SPAG16: variants seen among roughly 807,000 people sequenced by gnomAD.
SPAG16 encodes the protein sperm-associated antigen 16 protein.
Under a neutral mutation model 80.4 loss-of-function variants are expected in SPAG16, and 86 were observed. That is an observed-to-expected ratio of 1.07 (90% CI 0.90 to 1.28). The LOEUF (loss-of-function observed/expected upper bound fraction) is 1.28. Among genes scored for constraint, SPAG16 ranks in the 50% most tolerant of loss-of-function variants. SPAG16 has a pLI of 0.00. For missense variants in SPAG16, 870 were observed against 765.3 expected (o/e 1.14, Z -1.61); for synonymous variants, 294 against 265.9 (o/e 1.11, Z -1.03).
At chr2:213,755,936 A>G (rs2068306237) in intron 10 of SPAG16, among the ~76,000 whole-genome samples, 1 of 152,238 alleles carries the variant, frequency 6.6e-6, no homozygotes, top group Admixed American at 6.5e-5. Flanking sequence ...GGCTGCATTT[A>G]ACCATCTAAA....
chr2:213,729,924 T>C (rs1398846831), intron 10 of SPAG16, among the ~76,000 whole-genome samples: 1 of 152,220 alleles, frequency 6.6e-6, no homozygotes, highest in Admixed American at 6.5e-5. Context: ...TCTCTATCAC[T>C]GGACTGAGAG....
At chr2:214,227,411 T>A (rs2058720929) in intron 15 of SPAG16, among the ~76,000 whole-genome samples, 2 of 152,046 alleles carry the variant, frequency 1.3e-5, no homozygotes, top group Non-Finnish European at 2.9e-5. Flanking sequence ...CATTAAGAAT[T>A]TATTTTGTTA....
At chr2:213,366,023 T>G (rs2066263161) in intron 8 of SPAG16, among the ~76,000 whole-genome samples, 2 of 147,510 alleles carry the variant, frequency 1.4e-5, no homozygotes, top group African/African-American at 5.0e-5. Flanking sequence ...GCGCCTGTAG[T>G]CCCAGCTACT....
chr2:214,122,544 C>A (rs1350033749), intron 14 of SPAG16, among the ~76,000 whole-genome samples: 1 of 151,816 alleles, frequency 6.6e-6, no homozygotes, highest in Non-Finnish European at 1.5e-5. Flanking sequence ...GTTCAAACAG[C>A]AAGCACTCAA....
chr2:213,997,579 C>A (rs1212036182), intron 12 of SPAG16, among the ~76,000 whole-genome samples: 1 of 152,154 alleles, frequency 6.6e-6, no homozygotes, highest in Admixed American at 6.6e-5. Flanking sequence ...TTCCCACTTT[C>A]TTTTTAACAG....
chr2:213,782,868 A>G (rs974464776), intron 10 of SPAG16, among the ~76,000 whole-genome samples: 5 of 152,156 alleles, frequency 3.3e-5, no homozygotes, highest in South Asian at 2.1e-4. Flanking sequence ...GCAAACTTTC[A>G]TTATCTCATT....
chr2:213,452,385 G>T (rs1269662536), intron 9 of SPAG16, among the ~76,000 whole-genome samples: 1 of 152,094 alleles, frequency 6.6e-6, no homozygotes, highest in Non-Finnish European at 1.5e-5. Flanking sequence ...AGCCATCCTT[G>T]TTGCTCCTCT....
At chr2:213,401,658 T>C (rs977141055) in intron 9 of SPAG16, among the ~76,000 whole-genome samples, 1 of 152,188 alleles carries the variant, frequency 6.6e-6, no homozygotes, top group Admixed American at 6.5e-5. Context: ...TAGGAATTAG[T>C]ATATAGTGGG....
At chr2:214,149,508 G>C (rs936749525) in intron 15 of SPAG16, among the ~76,000 whole-genome samples, 1 of 151,990 alleles carries the variant, frequency 6.6e-6, no homozygotes, top group Non-Finnish European at 1.5e-5. Flanking sequence ...AATCTAGATA[G>C]CATAGGTTTG....
chr2:213,603,689 G>A (rs919034281), intron 10 of SPAG16, among the ~76,000 whole-genome samples: 21 of 152,266 alleles, frequency 1.4e-4, no homozygotes, highest in African/African-American at 1.7e-4. Context: ...AGACTAAATG[G>A]ATGAGATCTA....
intron 9 of SPAG16, among the ~76,000 whole-genome samples, chr2:213,481,940 A>G (rs1166858075): frequency 1.3e-5 from 2 of 152,222 alleles, no homozygotes; most frequent in Non-Finnish European, 2.9e-5. Flanking sequence ...ACATCACTGA[A>G]ATACATACTA....
chr2:214,275,452 A>C (rs1367454197), intron 15 of SPAG16, among the ~76,000 whole-genome samples: 1 of 152,184 alleles, frequency 6.6e-6, no homozygotes, highest in Admixed American at 6.5e-5. Flanking sequence ...TTCCCTCTAC[A>C]CACTGCTTTA....
chr2:214,286,177 G>A (rs1321494651), intron 15 of SPAG16, among the ~76,000 whole-genome samples: 1 of 152,130 alleles, frequency 6.6e-6, no homozygotes, highest in Admixed American at 6.6e-5. Context: ...TGTGGTGAAC[G>A]GAGTAAGGGG....
At chr2:214,320,568 G>A (rs2125993053) in intron 15 of SPAG16, among the ~76,000 whole-genome samples, 1 of 152,290 alleles carries the variant, frequency 6.6e-6, no homozygotes, top group Admixed American at 6.5e-5. Flanking sequence ...GGCTGGGAAG[G>A]CCTCAGGAAA....
intron 11 of SPAG16, among the ~76,000 whole-genome samples, chr2:213,918,922 A>T (rs2078088333): frequency 6.6e-6 from 1 of 152,000 alleles, no homozygotes; most frequent in African/African-American, 2.4e-5. Flanking sequence ...TTGTGCATAG[A>T]AGTATTCGTA....
chr2:213,527,361 G>C (rs538592876), intron 10 of SPAG16, among the ~76,000 whole-genome samples: 1 of 152,258 alleles, frequency 6.6e-6, no homozygotes, highest in South Asian at 2.1e-4. Context: ...ATGCTTTGCA[G>C]CTTCTAAAAT....
At chr2:213,603,770 C>G (rs934456167) in intron 10 of SPAG16, among the ~76,000 whole-genome samples, 1 of 152,180 alleles carries the variant, frequency 6.6e-6, no homozygotes, top group Non-Finnish European at 1.5e-5. Flanking sequence ...TTCCTACAAG[C>G]GCTGAATCCT....
chr2:213,534,266 T>TTA (rs1338121626), intron 10 of SPAG16, among the ~76,000 whole-genome samples: 2 of 152,106 alleles, frequency 1.3e-5, no homozygotes, highest in Non-Finnish European at 2.9e-5. Context: ...TGTGTATTTT[T>TTA]TATATATATA....
intron 10 of SPAG16, among the ~76,000 whole-genome samples, chr2:213,688,102 TG>T (rs1326045845): frequency 6.6e-6 from 1 of 152,100 alleles, no homozygotes; most frequent in African/African-American, 2.4e-5. Flanking sequence ...AGTTTGAACT[TG>T]GGGGGAGGAT....
Sources: allele counts gnomAD v4.1 joint callset (sites outside exome capture counted in the v4.1 genomes callset), GRCh38; gene constraint gnomAD v4.1.1; transcripts MANE v1.5; gene names NCBI Gene and HGNC (gene_info 2026-07-23, HGNC 2026-07-21).